Variants in EPHB2 observed in about 807,000 individuals in gnomAD.
The protein encoded by EPHB2 is ephrin type-B receptor 2.
EPHB2 carries 18 observed loss-of-function variants against 96.4 expected under a neutral mutation model. The ratio of observed to expected loss-of-function variants is 0.19; its 90% CI spans 0.13 to 0.28. The LOEUF (loss-of-function observed/expected upper bound fraction) is 0.28, where lower values mean the gene tolerates loss of function less well. Ranked by LOEUF, EPHB2 falls within the 10% of genes least tolerant of loss-of-function variation. The pLI is 1.00. For synonymous variants in EPHB2, 506 were observed against 534.1 expected (o/e 0.95, Z 0.72); for missense variants, 989 against 1,355.4 (o/e 0.73, Z 4.25).
At chr1:22,900,771 C>G (rs1639724552) in intron 9 of EPHB2, among the ~76,000 whole-genome samples, 1 of 152,150 alleles carries the variant, frequency 6.6e-6, no homozygotes, top group East Asian at 1.9e-4. Flanking sequence ...AACGTTAGAT[C>G]CAAGCAGAAC....
At position 22,733,161 on chromosome 1, in the gene EPHB2, G is replaced by C. The variant is rs1167829317; in HGVS notation, c.61+22118G>C. On this transcript the variant is annotated intron_variant, in intron 1 of 15. Coordinates refer to ENST00000374630, the MANE Select transcript of EPHB2 (RefSeq NM_017449.5). The surrounding 1 kb of genome is among the most constrained non-coding windows in gnomAD (Gnocchi z 4.6). ...CCTCCCCAGTTCAAGCGATTCTCCT[G>C]CCTCAGCCTCCTGAGTAGCTGGGAT... 6.6e-6 allele frequency among the ~76,000 whole-genome samples: 1 copy of C among 152,068 alleles called. No individual in the cohort carries two copies. Among genetic ancestry groups the C allele is most frequent in the East Asian group, 1.9e-4 (1 of 5,190 alleles).
intron 3 of EPHB2, among the ~76,000 whole-genome samples, chr1:22,788,394 G>A (rs1284720728): frequency 6.6e-6 from 1 of 152,224 alleles, no homozygotes; most frequent in Non-Finnish European, 1.5e-5. Context: ...CAGTCAGGGT[G>A]TGATTAATGA....
chr1:22,862,884 G>T (rs930880522), intron 3 of EPHB2, among the ~76,000 whole-genome samples, 153 bp from the exon 4 acceptor site: 4 of 152,170 alleles, frequency 2.6e-5, no homozygotes, highest in Admixed American at 2.6e-4. Flanking sequence ...GGGGCCTGGA[G>T]ACTTCAAACC....
intron 1 of EPHB2, among the ~76,000 whole-genome samples, chr1:22,718,565 T>G (rs142492297): frequency 0.012 from 1,768 of 151,742 alleles, 38 homozygotes; most frequent in African/African-American, 0.039. Flanking sequence ...TTTTTGTATA[T>G]TTTAGTAGAG....
chr1:22,870,639 G>T (rs1458209383), intron 5 of EPHB2, among the ~76,000 whole-genome samples: 2 of 152,178 alleles, frequency 1.3e-5, no homozygotes, highest in African/African-American at 4.8e-5. Context: ...GCATTTCACT[G>T]ATCCCGGGCT....
At chr1:22,768,941 C>T (rs549684732) in intron 1 of EPHB2, among the ~76,000 whole-genome samples, 2 of 152,320 alleles carry the variant, frequency 1.3e-5, no homozygotes, top group East Asian at 3.9e-4. Context: ...TGGGAAGTCT[C>T]CTCTAACCTC....
At chr1:22,856,675 T>G (rs1220084353) in intron 3 of EPHB2, among the ~76,000 whole-genome samples, 1 of 152,128 alleles carries the variant, frequency 6.6e-6, no homozygotes, top group Non-Finnish European at 1.5e-5. Context: ...CACTTCACTC[T>G]CCCTGAGCCT....
intron 3 of EPHB2, 24 bp from the exon 4 acceptor site, chr1:22,863,013 G>T: frequency 6.2e-7 from 1 of 1,613,860 alleles, no homozygotes. Flanking sequence ...GTTTCCTGGT[G>T]ACTCTCCTTG....
intron 3 of EPHB2, among the ~76,000 whole-genome samples, chr1:22,806,374 C>A (rs897309186): frequency 7.2e-5 from 11 of 152,190 alleles, no homozygotes; most frequent in Non-Finnish European, 1.6e-4. Context: ...AGTCCTTGAA[C>A]CGCAGGAATT....
intron 3 of EPHB2, among the ~76,000 whole-genome samples, chr1:22,803,997 G>A (rs549653521): frequency 6.6e-6 from 1 of 152,254 alleles, no homozygotes; most frequent in South Asian, 2.1e-4. Flanking sequence ...GAATTTCTGT[G>A]GTGGTGCTAG....
intron 5 of EPHB2, among the ~76,000 whole-genome samples, chr1:22,876,088 G>A (rs1638826926): frequency 6.6e-6 from 1 of 152,172 alleles, no homozygotes; most frequent in South Asian, 2.1e-4. Flanking sequence ...GGTGCAGTGG[G>A]AAGCCGCTGA....
chr1:22,840,756 C>T (rs991072463), intron 3 of EPHB2, among the ~76,000 whole-genome samples: 6 of 152,174 alleles, frequency 3.9e-5, no homozygotes, highest in Non-Finnish European at 7.3e-5. Context: ...CCACCATGCC[C>T]GGCTCCCCAA....
intron 1 of EPHB2, among the ~76,000 whole-genome samples, chr1:22,737,305 C>G (rs1256658504): frequency 6.6e-6 from 1 of 152,160 alleles, no homozygotes; most frequent in East Asian, 1.9e-4. Context: ...CCACATTACC[C>G]TCCTGCTCAG....
At chr1:22,771,330 A>G (rs1191059983) in intron 1 of EPHB2, among the ~76,000 whole-genome samples, 1 of 152,166 alleles carries the variant, frequency 6.6e-6, no homozygotes, top group African/African-American at 2.4e-5. Context: ...CTCAGAGGAG[A>G]AGACATTTGA....
Position 22,908,865 on chromosome 1 carries a change from G to T in EPHB2, c.2353-157G>T, listed in dbSNP as rs56095528. 2.0e-5 allele frequency among the ~76,000 whole-genome samples: 3 copies of T among 152,250 alleles called. No individual in the cohort carries two copies. In the South Asian group the frequency reaches 6.2e-4, roughly 32 times the overall value. On this transcript the variant is annotated intron_variant, in intron 12 of 15. Coordinates refer to ENST00000374630, the MANE Select transcript of EPHB2 (RefSeq NM_017449.5). ...GGAAAAGGCACTTCATGCAGAGGGC[G>T]CAAATGCCCAGTGGTCTGAAGCTGC...
chr1:22,882,664 C>G (rs1160675106), intron 6 of EPHB2, 181 bp downstream of exon 6: 9 of 903,408 alleles, frequency 1.0e-5, no homozygotes, highest in Non-Finnish European at 1.3e-5. Context: ...CACTGTGAGA[C>G]CTCAGGCAGG....
chr1:22,903,491 A>G (rs74616940), intron 9 of EPHB2, among the ~76,000 whole-genome samples: 8,375 of 152,316 alleles, frequency 0.055, 334 homozygotes, highest in Middle Eastern at 0.12. Context: ...GAGGCAGTGA[A>G]CATGGTGATT....
chr1:22,764,874 C>T (rs1053219847), intron 1 of EPHB2, among the ~76,000 whole-genome samples: 2 of 152,198 alleles, frequency 1.3e-5, no homozygotes, highest in Admixed American at 1.3e-4. Context: ...CCCTGCGACT[C>T]GCTCCAGTGG....
At chr1:22,908,253 T>C in intron 12 of EPHB2, 85 bp downstream of exon 12, 1 of 1,519,284 alleles carries the variant, frequency 6.6e-7, no homozygotes, top group Non-Finnish European at 9.0e-7. Context: ...ACACTTTCAC[T>C]AACGCCCAAT....
Sources: gnomAD v4.1 joint callset for allele counts (sites outside exome capture counted in the v4.1 genomes callset) on GRCh38, gnomAD v4.1.1 for gene constraint, Gnocchi (gnomAD v3.1) non-coding constraint, MANE v1.5 for transcripts, NCBI Gene and HGNC (gene_info 2026-07-23, HGNC 2026-07-21) for gene names.